Variants in SPMAP2 observed in about 807,000 individuals in gnomAD.
The protein encoded by SPMAP2 is sperm microtubule associated protein 2.
the SPMAP2 span, chr19:375,808 G>A: frequency 6.2e-7 from 1 of 1,609,966 alleles, no homozygotes; most frequent in African/African-American, 1.3e-5. Flanking sequence ...TCTGGTCCCA[G>A]CTCTGCATTG....
At chr19:372,029 C>T in the SPMAP2 span, among the ~76,000 whole-genome samples, 1 of 152,200 alleles carries the variant, frequency 6.6e-6, no homozygotes, top group East Asian at 1.9e-4. Flanking sequence ...GTCTTCAGGT[C>T]ACAGTATGAT....
At chr19:374,831 C>T in the SPMAP2 span, among the ~76,000 whole-genome samples, 2 of 152,256 alleles carry the variant, frequency 1.3e-5, no homozygotes, top group African/African-American at 2.4e-5. Context: ...TCCTGCCTCC[C>T]AGAAAGCTCA....
the SPMAP2 span, among the ~76,000 whole-genome samples, chr19:364,210 G>A: frequency 2.0e-5 from 3 of 150,208 alleles, no homozygotes; most frequent in East Asian, 5.9e-4. Flanking sequence ...GGTGGCGGCT[G>A]CCTGTAGTCC....
chr19:373,607 C>A, the SPMAP2 span: 1 of 1,481,404 alleles, frequency 6.8e-7, no homozygotes, highest in Non-Finnish European at 9.3e-7. Flanking sequence ...TGGGTCTCTG[C>A]CAGGAGGGTG....
chr19:363,389 C>T, the SPMAP2 span, among the ~76,000 whole-genome samples: 62 of 152,198 alleles, frequency 4.1e-4, no homozygotes, highest in African/African-American at 1.4e-3. Flanking sequence ...GACGGGGTTT[C>T]ACCATGTTGG....
the SPMAP2 span, chr19:367,078 G>C: frequency 4.3e-6 from 7 of 1,612,766 alleles, no homozygotes; most frequent in Non-Finnish European, 5.1e-6. Flanking sequence ...CCAAGTGAAG[G>C]AGGCGGTTAT....
chr19:374,581 C>CCCTCT, the SPMAP2 span: 2 of 1,022,972 alleles, frequency 2.0e-6, no homozygotes, highest in Non-Finnish European at 1.4e-6. Context: ...AGGACTTTGG[C>CCCTCT]ACCACGAAGG....
the SPMAP2 span, among the ~76,000 whole-genome samples, chr19:367,900 T>TA: frequency 6.6e-6 from 1 of 152,148 alleles, no homozygotes; most frequent in Admixed American, 6.5e-5. Context: ...CAAATTGCTC[T>TA]AGAAAACAGT....
chr19:365,541 A>ATACAGC, the SPMAP2 span, among the ~76,000 whole-genome samples: 1 of 67,410 alleles, frequency 1.5e-5, no homozygotes, highest in African/African-American at 4.8e-5. Context: ...GTGTGAGCAC[A>ATACAGC]CACACACAGC....
At chr19:370,266 A>C in the SPMAP2 span, among the ~76,000 whole-genome samples, 1 of 152,250 alleles carries the variant, frequency 6.6e-6, no homozygotes, top group South Asian at 2.1e-4. Context: ...AGTAACTGAG[A>C]AATTCCAATT....
At chr19:367,286 G>A in the SPMAP2 span, 1 of 1,464,152 alleles carries the variant, frequency 6.8e-7, no homozygotes, top group Non-Finnish European at 9.1e-7. Flanking sequence ...GTGGGCCCTG[G>A]AGCTGAAGGA....
At chr19:372,109 A>C in the SPMAP2 span, among the ~76,000 whole-genome samples, 2 of 152,230 alleles carry the variant, frequency 1.3e-5, no homozygotes, top group Admixed American at 1.3e-4. Context: ...CTGTGTCAGA[A>C]GTGGTTCAAA....
chr19:371,245 G>C, the SPMAP2 span: 13 of 1,509,812 alleles, frequency 8.6e-6, no homozygotes, highest in Admixed American at 4.2e-5. Flanking sequence ...ACGAATCTTC[G>C]GGGCGGCCAG....
the SPMAP2 span, chr19:362,435 G>A: frequency 1.9e-6 from 3 of 1,591,776 alleles, no homozygotes; most frequent in East Asian, 2.3e-5. Context: ...CCCTAGTGGG[G>A]GCAGAAGAGA....
chr19:368,447 G>A, the SPMAP2 span, among the ~76,000 whole-genome samples: 1 of 150,762 alleles, frequency 6.6e-6, no homozygotes, highest in Non-Finnish European at 1.5e-5. The surrounding 1 kb of genome is among the most constrained non-coding windows in gnomAD (Gnocchi z 4.1). Context: ...TGCTGGAAGA[G>A]GAACTGGCCA....
At chr19:372,094 A>T in the SPMAP2 span, among the ~76,000 whole-genome samples, 1 of 152,238 alleles carries the variant, frequency 6.6e-6, no homozygotes, top group Non-Finnish European at 1.5e-5. Context: ...CACCCACATC[A>T]ACGTCTGTGT....
At chr19:374,109 C>T in the SPMAP2 span, 1,120 of 1,475,796 alleles carry the variant, frequency 7.6e-4, 1 homozygote, top group Non-Finnish European at 1.0e-3. Context: ...CCCAGAGGGC[C>T]ACCGTTCCCT....
At chr19:364,200 G>A in the SPMAP2 span, among the ~76,000 whole-genome samples, 7 of 150,760 alleles carry the variant, frequency 4.6e-5, no homozygotes, top group African/African-American at 9.8e-5. Flanking sequence ...AGCCGGGCGT[G>A]GTGGCGGCTG....
chr19:373,370 TG>T, the SPMAP2 span: 2 of 1,137,400 alleles, frequency 1.8e-6, no homozygotes, highest in African/African-American at 1.5e-5. Context: ...TCCGAGGAGA[TG>T]GGGCAAGGGA....
Sources: allele counts gnomAD v4.1 joint callset (sites outside exome capture counted in the v4.1 genomes callset), GRCh38; gene constraint gnomAD v4.1.1; non-coding constraint Gnocchi (gnomAD v3.1); transcripts MANE v1.5; gene names NCBI Gene and HGNC (gene_info 2026-07-23, HGNC 2026-07-21).